DCAF8L2: variants seen among roughly 807,000 people sequenced by gnomAD.
DCAF8L2 encodes DDB1 and CUL4 associated factor 8 like 2.
For missense variants in DCAF8L2, 430 were observed against 490.7 expected (o/e 0.88, Z 1.17); for synonymous variants, 200 against 190.9 (o/e 1.05, Z -0.39).
the DCAF8L2 span, among the ~76,000 whole-genome samples, chrX:27,521,600 G>C: frequency 3.6e-5 from 4 of 111,835 alleles, no homozygotes; most frequent in African/African-American, 6.5e-5. Context: ...ATGTTTTGTG[G>C]AGTTTTATAA....
chrX:27,692,836 T>G (rs1343990398), intron 3 of DCAF8L2, among the ~76,000 whole-genome samples: 1 of 111,063 alleles, frequency 9.0e-6, no homozygotes, highest in Non-Finnish European at 1.9e-5. Flanking sequence ...ATTTAGTGGG[T>G]AGAGGCCAGG....
At chrX:27,546,134 A>G in the DCAF8L2 span, among the ~76,000 whole-genome samples, 2 of 111,142 alleles carry the variant, frequency 1.8e-5, no homozygotes, top group East Asian at 5.6e-4. Flanking sequence ...TGGTAAATAC[A>G]CCCATTCCAA....
chrX:27,508,218 C>A, the DCAF8L2 span, among the ~76,000 whole-genome samples: 1 of 111,653 alleles, frequency 9.0e-6, no homozygotes, highest in African/African-American at 3.3e-5. Context: ...CAATTTTGAT[C>A]TATTCACTTC....
chrX:27,496,380 T>G, the DCAF8L2 span, among the ~76,000 whole-genome samples: 1 of 111,597 alleles, frequency 9.0e-6, no homozygotes, highest in African/African-American at 3.3e-5. Flanking sequence ...CATGAGAAAT[T>G]TTGTTCCTGT....
chrX:27,686,402 T>C (rs192454499), intron 3 of DCAF8L2, among the ~76,000 whole-genome samples: 42 of 110,192 alleles, frequency 3.8e-4, no homozygotes, highest in African/African-American at 1.4e-3. Flanking sequence ...TATTTGACTA[T>C]AAAAAAAATA....
chrX:27,587,516 T>C (rs2147102909), upstream of DCAF8L2, among the ~76,000 whole-genome samples: 1 of 111,768 alleles, frequency 8.9e-6, no homozygotes, highest in African/African-American at 3.2e-5. Flanking sequence ...ATTTATACAT[T>C]ACGGAATATA....
At chrX:27,581,945 TG>T in the DCAF8L2 span, among the ~76,000 whole-genome samples, 1 of 112,353 alleles carries the variant, frequency 8.9e-6, no homozygotes, top group Non-Finnish European at 1.9e-5. Context: ...AATAAATTAT[TG>T]GGAAAGACGT....
chrX:27,598,211 T>C lies in DCAF8L2; in HGVS notation c.-342+7771T>C, dbSNP rs1026475319. Reference sequence around the variant, plus strand: ...ACAATATACTTTGGCTGAAAAAATATTTCCTTCTAAAACAACAAACTTCAA... The same window carrying C: ...ACAATATACTTTGGCTGAAAAAATACTTCCTTCTAAAACAACAAACTTCAA... On this transcript the variant is annotated intron_variant, in intron 1 of 4. Coordinates refer to ENST00000451261, the MANE Select transcript of DCAF8L2 (RefSeq NM_001353450.2). Among the ~76,000 whole-genome samples, 5 of 112,665 alleles carry C rather than the reference T, an allele frequency of 4.4e-5. No individual in the cohort carries two copies. In the East Asian group the frequency reaches 8.4e-4, roughly 19 times the overall value.
chrX:27,590,290 G>A (rs925619882), upstream of DCAF8L2: 6 of 111,255 alleles, frequency 5.4e-5, 1 homozygote, highest in Non-Finnish European at 5.6e-5. Context: ...TGCTTACAGC[G>A]TGGGAAAGAC....
chrX:27,514,668 C>CAAAAAAAAAA, the DCAF8L2 span, among the ~76,000 whole-genome samples: 1 of 2,525 alleles, frequency 4.0e-4, no homozygotes, highest in Non-Finnish European at 7.4e-4. Context: ...GACTCCGTCT[C>CAAAAAAAAAA]AAAAAAAAAA....
At chrX:27,568,827 C>T in the DCAF8L2 span, among the ~76,000 whole-genome samples, 1 of 107,300 alleles carries the variant, frequency 9.3e-6, no homozygotes, top group Non-Finnish European at 1.9e-5. Context: ...CCCGCTCCCC[C>T]CACCCCACAA....
chrX:27,662,646 G>A (rs765909881), intron 2 of DCAF8L2, among the ~76,000 whole-genome samples: 1 of 111,259 alleles, frequency 9.0e-6, no homozygotes, highest in East Asian at 2.8e-4. Context: ...ATATCTCTTC[G>A]TGCACATGTC....
Position 27,660,414 on chromosome X carries a change from T to TG in DCAF8L2, c.-219-17422_-219-17421insG, listed in dbSNP as rs755659701. On this transcript the variant is annotated intron_variant, in intron 2 of 4. Transcript: ENST00000451261. ...TATAGAGAAGGAGGTTTTTGTGTTT[T>TG]TTTTTGTAGATTTGTCTGTAGCTTC... Among the ~76,000 whole-genome samples, 334 of 111,997 alleles carry TG rather than the reference T, an allele frequency of 3.0e-3. 1 individual carries two copies. Among genetic ancestry groups the TG allele is most frequent in the African/African-American group, 0.011 (323 of 30,730 alleles).
the DCAF8L2 span, among the ~76,000 whole-genome samples, chrX:27,488,354 C>G: frequency 4.5e-5 from 5 of 111,555 alleles, no homozygotes; most frequent in Non-Finnish European, 9.4e-5. Flanking sequence ...TGTGCTCTTC[C>G]TGAGGCAAAA....
chrX:27,487,412 G>C, the DCAF8L2 span, among the ~76,000 whole-genome samples: 1 of 111,450 alleles, frequency 9.0e-6, no homozygotes, highest in Non-Finnish European at 1.9e-5. Context: ...CTCCCGAGAA[G>C]CCGGGATTAC....
the DCAF8L2 span, among the ~76,000 whole-genome samples, chrX:27,514,136 A>G: frequency 4.5e-5 from 5 of 111,285 alleles, no homozygotes; most frequent in African/African-American, 1.6e-4. Context: ...GTATATGTAC[A>G]CATATGTATA....
At chrX:27,584,155 A>G in the DCAF8L2 span, among the ~76,000 whole-genome samples, 1 of 111,799 alleles carries the variant, frequency 8.9e-6, no homozygotes, top group Non-Finnish European at 1.9e-5. Flanking sequence ...ATTCGCATCA[A>G]TCATTTAAAA....
chrX:27,532,726 A>ATATTTATTTATTTATT, the DCAF8L2 span, among the ~76,000 whole-genome samples: 1 of 85,536 alleles, frequency 1.2e-5, no homozygotes, highest in Non-Finnish European at 2.2e-5. Context: ...AGTGAGACCC[A>ATATTTATTTATTTATT]TATTTATTTA....
chrX:27,604,602 G>T (rs1038372795), intron 1 of DCAF8L2, among the ~76,000 whole-genome samples: 1 of 111,667 alleles, frequency 9.0e-6, no homozygotes, highest in Non-Finnish European at 1.9e-5. Flanking sequence ...TTATATATAT[G>T]ATATAATTTG....
Sources: allele counts gnomAD v4.1 joint callset (sites outside exome capture counted in the v4.1 genomes callset), GRCh38; gene constraint gnomAD v4.1.1; transcripts MANE v1.5; gene names NCBI Gene and HGNC (gene_info 2026-07-23, HGNC 2026-07-21).